The following CWC22 variants were observed in gnomAD, a reference collection of about 807,000 sequenced individuals.
The protein encoded by CWC22 is CWC22 spliceosome associated protein.
CWC22 carries 53 observed loss-of-function variants against 117.2 expected under a neutral mutation model. The observed-to-expected ratio is 0.45, with a 90% CI of 0.36 to 0.57. The LOEUF (loss-of-function observed/expected upper bound fraction) is 0.57, where lower values mean the gene tolerates loss of function less well. Among genes scored for constraint, CWC22 ranks in the 20% least tolerant of loss-of-function variants. CWC22 has a pLI of 0.00. For missense variants in CWC22, 980 were observed against 1,068.8 expected, an observed-to-expected ratio of 0.92 and a Z score of 1.16; for synonymous variants, 360 against 355.6, an observed-to-expected ratio of 1.01 and a Z score of -0.14.
chr2:179,968,607 G>A (rs899597952), intron 11 of CWC22, among the ~76,000 whole-genome samples: 3 of 150,284 alleles, frequency 2.0e-5, no homozygotes, highest in Non-Finnish European at 3.0e-5. Flanking sequence ...TCGCTCTGTC[G>A]CCCAGGCTGG....
intron 19 of CWC22, among the ~76,000 whole-genome samples, chr2:179,949,412 A>G (rs1454744291): frequency 6.6e-6 from 1 of 152,228 alleles, no homozygotes; most frequent in Non-Finnish European, 1.5e-5. Context: ...ATGGCCAATA[A>G]TGGATAAAAT....
Position 179,945,296 on chromosome 2 carries a change from A to G in CWC22, c.2560T>C (p.Ser854Pro). 1 of 1,613,296 alleles carries G rather than the reference A, an allele frequency of 6.2e-7. No homozygotes were observed. ...GAGTGCTTTCTATTCATTTCCTTTG[A>G]CTTTGATCTATCTTTTCTTCTGAAA... Reference protein sequence around the residue: ...ENFRRKDRSKSKEMNRKHSGS... With the variant: ...ENFRRKDRSKPKEMNRKHSGS... The change falls in exon 20 of 20, where the codon TCA becomes CCA. Residue 854 changes from serine to proline, a missense_variant. Around this residue, in one of 3 missense-constraint regions of CWC22, gnomAD observed 306 missense variants for 296.8 expected, o/e 1.03. Transcript: ENST00000410053.
chr2:179,982,472 A>C (rs965488340), intron 4 of CWC22, among the ~76,000 whole-genome samples: 1 of 152,190 alleles, frequency 6.6e-6, no homozygotes, highest in Non-Finnish European at 1.5e-5. Flanking sequence ...GTGTTTTAAG[A>C]AGACAAATTA....
intron 1 of CWC22, among the ~76,000 whole-genome samples, chr2:180,005,421 C>T (rs1687947126): frequency 6.6e-6 from 1 of 152,028 alleles, no homozygotes; most frequent in African/African-American, 2.4e-5. Flanking sequence ...ACTAAAAATA[C>T]AAAAAATTAG....
rs545156721 is a variant in CWC22, at chr2:179,970,896, T to C, written c.941-40A>G. The C allele has an allele frequency of 7.5e-6, 12 of 1,607,354 alleles. No homozygotes were observed. In the Admixed American group the frequency reaches 1.8e-4, roughly 25 times the overall value. ...AAAGAAAAGACAATAAAATAAGCAA[T>C]AAATATAATAAAAACTTAACATCAA... is the stretch of plus-strand genomic sequence containing the variant. On this transcript the variant is annotated intron_variant, in intron 9 of 19. Coordinates refer to ENST00000410053, the MANE Select transcript of CWC22 (RefSeq NM_020943.3).
At position 179,982,017 on chromosome 2, in the gene CWC22, A is replaced by C; in HGVS notation, c.207-20T>G. ...CTGTTTCTGTAATATAAATTTTTTG[A>C]AGAGCAGAAAAGACAATATAAAACA... On this transcript the variant is annotated intron_variant, in intron 4 of 19. Transcript: ENST00000410053. 6.2e-6 allele frequency: 8 copies of C among 1,284,476 alleles called. No individual in the cohort carries two copies. The highest frequency in any genetic ancestry group is 8.8e-6 in the Non-Finnish European group (8 of 912,418). The allele number at this position is 1,284,476 out of a possible 1,614,324, so 79.6% of individuals were successfully genotyped here.
At chr2:179,996,626 C>T (rs770286883) in intron 1 of CWC22, among the ~76,000 whole-genome samples, 13 of 151,236 alleles carry the variant, frequency 8.6e-5, no homozygotes, top group Non-Finnish European at 1.3e-4. Flanking sequence ...AGCAGACTGG[C>T]GGTTATCAGA....
chr2:179,954,815 G>C, intron 15 of CWC22, 142 bp downstream of exon 15: 2 of 589,902 alleles, frequency 3.4e-6, no homozygotes, highest in Admixed American at 5.5e-5. Context: ...GGTGAAGAGA[G>C]TGGGAAACCT....
chr2:179,965,667 T>C (rs577904924), intron 12 of CWC22, among the ~76,000 whole-genome samples: 1 of 152,338 alleles, frequency 6.6e-6, no homozygotes, highest in Non-Finnish European at 1.5e-5. Flanking sequence ...GTCTTGGCAA[T>C]ACTGGCATTT....
intron 13 of CWC22, among the ~76,000 whole-genome samples, 169 bp from the exon 14 acceptor site, chr2:179,959,251 C>T (rs772624915): frequency 1.3e-5 from 2 of 152,042 alleles, no homozygotes; most frequent in Non-Finnish European, 2.9e-5. Context: ...GAGATAAGTG[C>T]CAATACATAC....
rs370268928 is a variant in CWC22 at position 179,993,292 on chromosome 2, C to T, written c.27+23G>A. On this transcript the variant is annotated intron_variant, in intron 2 of 19. Coordinates refer to ENST00000410053, the MANE Select transcript of CWC22 (RefSeq NM_020943.3). ...TAATTGACTATAAGTTTACATCCTC[C>T]ATTTTAAGTTTCAAACACTTACTTT... 51 of 1,518,436 alleles carry T rather than the reference C, an allele frequency of 3.4e-5. No homozygotes were observed. In the African/African-American group the frequency reaches 6.8e-4, roughly 20 times the overall value. The allele number at this position is 1,518,436 out of a possible 1,614,324, so 94.1% of individuals were successfully genotyped here.
chr2:179,999,072 A>C (rs1419813406), intron 1 of CWC22, among the ~76,000 whole-genome samples: 1 of 152,170 alleles, frequency 6.6e-6, no homozygotes, highest in Non-Finnish European at 1.5e-5. Context: ...TTACATTTCC[A>C]TGTCTCACAA....
chr2:179,973,887 T>C, intron 6 of CWC22, 85 bp from the exon 7 acceptor site: 2 of 664,222 alleles, frequency 3.0e-6, no homozygotes, highest in Non-Finnish European at 4.7e-6. Flanking sequence ...TTCAGTAATA[T>C]TTCTCTATAA....
intron 4 of CWC22, among the ~76,000 whole-genome samples, chr2:179,982,895 G>C (rs1687321653): frequency 6.6e-6 from 1 of 151,896 alleles, no homozygotes; most frequent in African/African-American, 2.4e-5. Context: ...TTGTGTTTTG[G>C]GTAACCATGA....
chr2:179,953,884 T>A (rs1686517478), intron 16 of CWC22, among the ~76,000 whole-genome samples: 1 of 152,048 alleles, frequency 6.6e-6, no homozygotes, highest in East Asian at 1.9e-4. Context: ...GTGGCATATG[T>A]GGATGTGAGT....
chr2:179,983,866 C>T (rs1687349198), intron 4 of CWC22, among the ~76,000 whole-genome samples: 1 of 152,118 alleles, frequency 6.6e-6, no homozygotes, highest in Non-Finnish European at 1.5e-5. Flanking sequence ...GTAGCTACAG[C>T]AGGGATTTCC....
At position 179,978,201 on chromosome 2, in the gene CWC22, T is replaced by C; in HGVS notation, c.570A>G (p.Ile190Met). The C allele has an allele frequency of 4.5e-6, 7 of 1,539,172 alleles. No homozygotes were observed. Among genetic ancestry groups the C allele is most frequent in the Non-Finnish European group, 6.1e-6 (7 of 1,149,590 alleles). Residue 190 changes from isoleucine (I) to methionine (M), a missense_variant, in exon 6 of 20, where the codon ATA (isoleucine) becomes ATG (methionine). Transcript: ENST00000410053. The part of the protein sequence containing the change: ...IIIQELLQEN[I>M]VRGRGLLSRS... The stretch of plus-strand genomic sequence containing the variant: ...TAGCCAATACTTACCTTCCTCTAAC[T>C]ATATTTTCTTGAAGAAGCTCTTGAA...
chr2:179,989,893 A>G (rs17175114), intron 2 of CWC22, among the ~76,000 whole-genome samples: 22,269 of 152,118 alleles, frequency 0.15, 2,003 homozygotes, highest in Admixed American at 0.29. Context: ...CAAACAATGA[A>G]TAACAGTTCT....
At position 179,986,715 on chromosome 2, in the gene CWC22, A is replaced by G. The variant is rs963470845; in HGVS notation, c.186T>C (p.Tyr62=). Residue 62 remains tyrosine (Y), a synonymous_variant, in exon 4 of 20, where the codon TAT becomes TAC. Transcript: ENST00000410053. ...CTAACCGTGACTCCATGCTACTATCATAAGAACGTCCTCTTCTTGAATGCT... is the reference window on the plus strand; with the variant it reads ...CTAACCGTGACTCCATGCTACTATCGTAAGAACGTCCTCTTCTTGAATGCT... ...DYEHSRRGRS[Y]DSSMESRNRD... The G allele has an allele frequency of 1.0e-5, 16 of 1,597,880 alleles. No individual in the cohort carries two copies. The highest frequency in any genetic ancestry group is 6.7e-5 in the African/African-American group (5 of 74,530).
Sources: allele counts gnomAD v4.1 joint callset (sites outside exome capture counted in the v4.1 genomes callset), GRCh38; gene constraint gnomAD v4.1.1; regional missense constraint gnomAD v4.1.1; transcripts MANE v1.5; gene names NCBI Gene and HGNC (gene_info 2026-07-23, HGNC 2026-07-21).